FBXL20: variants seen among roughly 807,000 people sequenced by gnomAD.
The protein encoded by FBXL20 is F-box and leucine rich repeat protein 20.
FBXL20 carries 11 observed loss-of-function variants against 64.0 expected under a neutral mutation model. The observed-to-expected ratio is 0.17, with a 90% CI of 0.11 to 0.28. The LOEUF is 0.28. Ranked by LOEUF, FBXL20 falls within the 10% of genes least tolerant of loss-of-function variation. The pLI is 1.00. For synonymous variants in FBXL20, 184 were observed against 189.0 expected (o/e 0.97, Z 0.22); for missense variants, 303 against 526.2 (o/e 0.58, Z 4.15).
chr17:39,297,380 T>C, intron 5 of FBXL20, 185 bp from the exon 6 acceptor site: 1 of 396,346 alleles, frequency 2.5e-6, no homozygotes, highest in Non-Finnish European at 4.5e-6. Flanking sequence ...AAAATCTTTG[T>C]AATTTCCTGA....
chr17:39,353,795 G>T (rs1161333589), intron 1 of FBXL20, among the ~76,000 whole-genome samples: 1 of 151,894 alleles, frequency 6.6e-6, no homozygotes, highest in African/African-American at 2.4e-5. Flanking sequence ...GCTAATTTTT[G>T]TATTTTTAGT....
At chr17:39,267,955 C>G (rs2046807089) in intron 12 of FBXL20, among the ~76,000 whole-genome samples, 1 of 152,202 alleles carries the variant, frequency 6.6e-6, no homozygotes, top group South Asian at 2.1e-4. Context: ...TTTACAGTTA[C>G]TGACATATCT....
chr17:39,310,413 C>A (rs1383632294), intron 2 of FBXL20, among the ~76,000 whole-genome samples: 1 of 152,046 alleles, frequency 6.6e-6, no homozygotes, highest in African/African-American at 2.4e-5. Flanking sequence ...TTCCTTCCGC[C>A]AGTTACCTAA....
chr17:39,363,810 C>CAAAAAAAAAAAAAACAAAA (rs2047824127), intron 1 of FBXL20, among the ~76,000 whole-genome samples: 1 of 26,676 alleles, frequency 3.7e-5, no homozygotes, highest in Non-Finnish European at 6.3e-5. Flanking sequence ...GACTTTATCT[C>CAAAAAAAAAAAAAACAAAA]AAAAAAAAAA....
chr17:39,366,739 G>A (rs2047863537), intron 1 of FBXL20, among the ~76,000 whole-genome samples: 1 of 152,164 alleles, frequency 6.6e-6, no homozygotes, highest in Non-Finnish European at 1.5e-5. Context: ...TTTCTGCTGT[G>A]ATATATAATG....
intron 2 of FBXL20, among the ~76,000 whole-genome samples, chr17:39,312,948 G>A (rs981374409): frequency 1.1e-4 from 15 of 138,590 alleles, no homozygotes; most frequent in Admixed American, 4.5e-4. Context: ...AGATGGAGGC[G>A]CATCCTGTTG....
intron 2 of FBXL20, among the ~76,000 whole-genome samples, chr17:39,309,705 T>C (rs918539063): frequency 2.0e-5 from 3 of 150,114 alleles, no homozygotes; most frequent in African/African-American, 4.9e-5. Context: ...CACAGGAGAT[T>C]TGTTTGAACC....
intron 1 of FBXL20, among the ~76,000 whole-genome samples, chr17:39,379,236 A>C (rs1277134868): frequency 1.3e-5 from 2 of 151,130 alleles, no homozygotes; most frequent in South Asian, 4.2e-4. Context: ...AATAAAATAA[A>C]ATAACATAAT....
chr17:39,299,855 T>A (rs1330883520), intron 4 of FBXL20, among the ~76,000 whole-genome samples: 1 of 151,768 alleles, frequency 6.6e-6, no homozygotes, highest in Non-Finnish European at 1.5e-5. Flanking sequence ...CCCAGCACTT[T>A]GGGAGGCTGA....
chr17:39,327,206 G>T (rs907851059), intron 2 of FBXL20, among the ~76,000 whole-genome samples: 4 of 152,076 alleles, frequency 2.6e-5, no homozygotes, highest in African/African-American at 7.2e-5. Context: ...CTTTAAAAGT[G>T]TTGGGATTAT....
chr17:39,385,283 C>T lies in FBXL20; in HGVS notation c.42+16078G>A, dbSNP rs565994166. On this transcript the variant is annotated intron_variant, in intron 1 of 14. Transcript: ENST00000264658. ...CACAAGCTATGATGGTGCCACTGCA[C>T]TCCAGACTGGGCAACACTGTGAGAC... 5.3e-5 allele frequency among the ~76,000 whole-genome samples: 8 copies of T among 152,128 alleles called. No homozygotes were observed. In the East Asian group the frequency reaches 1.5e-3, roughly 29 times the overall value.
chr17:39,377,931 T>C (rs1412977867), intron 1 of FBXL20, among the ~76,000 whole-genome samples: 2 of 152,146 alleles, frequency 1.3e-5, no homozygotes, highest in African/African-American at 4.8e-5. Flanking sequence ...TAGGATGGCT[T>C]GCACCTGGGA....
chr17:39,363,841 AAAAAC>A (rs1567897033), intron 1 of FBXL20, among the ~76,000 whole-genome samples: 1 of 147,924 alleles, frequency 6.8e-6, no homozygotes, highest in African/African-American at 2.5e-5. Flanking sequence ...AAACAAAAAA[AAAAAC>A]AATAAAAAGT....
At chr17:39,365,931 C>T (rs2047855173) in intron 1 of FBXL20, among the ~76,000 whole-genome samples, 1 of 152,144 alleles carries the variant, frequency 6.6e-6, no homozygotes, top group African/African-American at 2.4e-5. Context: ...CTTAGTTTCA[C>T]TTCATCTGTA....
intron 2 of FBXL20, among the ~76,000 whole-genome samples, chr17:39,317,404 A>G (rs928471790): frequency 5.3e-5 from 8 of 151,622 alleles, no homozygotes; most frequent in Non-Finnish European, 1.2e-4. Context: ...GCTAATTTTT[A>G]TATTTTTAGT....
chr17:39,396,274 G>C lies in FBXL20; in HGVS notation c.42+5087C>G, dbSNP rs148323074. ...ATTCTATCTCCCTCGCTTTACAGAA[G>C]AGGGAAATCACCAAGCTAGAAAAGT... On this transcript the variant is annotated intron_variant, in intron 1 of 14. Coordinates refer to ENST00000264658, the MANE Select transcript of FBXL20 (RefSeq NM_032875.3). Among the ~76,000 whole-genome samples the C allele has an allele frequency of 1.4e-4, 21 of 152,100 alleles. No homozygotes were observed. In the East Asian group the frequency reaches 2.5e-3, roughly 18 times the overall value.
intron 2 of FBXL20, among the ~76,000 whole-genome samples, chr17:39,314,155 C>G (rs1567875668): frequency 6.6e-6 from 1 of 152,124 alleles, no homozygotes; most frequent in Non-Finnish European, 1.5e-5. Flanking sequence ...TTTGCCTATT[C>G]CGCACATTTC....
At position 39,343,148 on chromosome 17, in the gene FBXL20, A is replaced by T. The variant is rs144581166; in HGVS notation, c.104+32T>A. 2.0e-4 allele frequency: 304 copies of T among 1,540,306 alleles called. No homozygotes were observed. In the African/African-American group the frequency reaches 3.9e-3, roughly 20 times the overall value. Reference sequence around the variant, plus strand: ...AACAGGCAAATATGACATACACATAAAAAAACCCATAAAATTAGCATTCAG... The same window carrying T: ...AACAGGCAAATATGACATACACATATAAAAACCCATAAAATTAGCATTCAG... On this transcript the variant is annotated intron_variant, in intron 2 of 14. Coordinates refer to ENST00000264658, the MANE Select transcript of FBXL20 (RefSeq NM_032875.3).
intron 1 of FBXL20, among the ~76,000 whole-genome samples, chr17:39,364,350 C>T (rs955876523): frequency 1.3e-5 from 2 of 152,152 alleles, no homozygotes; most frequent in African/African-American, 2.4e-5. Flanking sequence ...CAGTGGCTCA[C>T]GCCTGTAATC....
Sources: allele counts gnomAD v4.1 joint callset (sites outside exome capture counted in the v4.1 genomes callset), GRCh38; gene constraint gnomAD v4.1.1; transcripts MANE v1.5; gene names NCBI Gene and HGNC (gene_info 2026-07-23, HGNC 2026-07-21).